Variants in ZSCAN30 observed in about 807,000 individuals in gnomAD.
ZSCAN30 encodes zinc finger and SCAN domain-containing protein 30.
In ZSCAN30, 37 loss-of-function variants were observed where a neutral mutation model predicts 44.3. That is an observed-to-expected ratio of 0.84 (90% confidence interval 0.64 to 1.10). The LOEUF (loss-of-function observed/expected upper bound fraction) is 1.10. ZSCAN30 is among the 50% of genes least tolerant of loss of function. ZSCAN30 has a pLI of 0.00. For synonymous variants in ZSCAN30, 181 were observed against 204.6 expected, an observed-to-expected ratio of 0.88 and a Z score of 0.98; for missense variants, 549 against 582.6, an observed-to-expected ratio of 0.94 and a Z score of 0.59.
At chr18:35,277,896 T>A (rs1183343638) in intron 1 of ZSCAN30, among the ~76,000 whole-genome samples, 1 of 152,178 alleles carries the variant, frequency 6.6e-6, no homozygotes, top group Non-Finnish European at 1.5e-5. Context: ...TTAAGTTTGC[T>A]CTCATTTTTA....
intron 3 of ZSCAN30, among the ~76,000 whole-genome samples, chr18:35,256,485 AG>A: frequency 6.6e-6 from 1 of 152,156 alleles, no homozygotes; most frequent in Non-Finnish European, 1.5e-5. Flanking sequence ...CACTTGAACC[AG>A]GGACGTGGAG....
At chr18:35,263,242 TA>T (rs71265098) in intron 3 of ZSCAN30, 44,009 of 272,002 alleles carry the variant, frequency 0.16, no homozygotes, top group South Asian at 0.24. Context: ...AGACCCCATC[TA>T]AAAAAAAAAA....
intron 1 of ZSCAN30, among the ~76,000 whole-genome samples, chr18:35,265,379 T>C (rs1412872524): frequency 6.6e-6 from 1 of 152,218 alleles, no homozygotes; most frequent in African/African-American, 2.4e-5. Context: ...TCAGGTATTA[T>C]CATCTCAATT....
rs371349555 is a variant in ZSCAN30, at chr18:35,285,517, GAT to G, written c.-104+4565_-104+4566del. 3.6e-3 allele frequency among the ~76,000 whole-genome samples: 550 copies of G among 152,210 alleles called. 4 individuals carry two copies. The highest frequency in any genetic ancestry group is 0.013 in the African/African-American group (523 of 41,538). ...TTTGGGCCATTAATGAGTCTCAATA[GAT>G]TTTAAAGGATTCAAGTCATACACAG... On this transcript the variant is annotated intron_variant, in intron 1 of 3. Coordinates refer to ENST00000333206, the MANE Select transcript of ZSCAN30 (RefSeq NM_001112734.4).
At position 35,253,967 on chromosome 18, in the gene ZSCAN30, T is replaced by G. The variant is rs2043692772; in HGVS notation, c.968A>C (p.His323Pro). Residue 323 changes from histidine to proline, a missense_variant, in exon 4 of 4, where the codon CAT becomes CCT. Physicochemically the swap from His to Pro is moderately conservative, Grantham distance 77. Coordinates refer to ENST00000333206, the MANE Select transcript of ZSCAN30 (RefSeq NM_001112734.4). ...ACATGCATAAGGTCTCTCTCCAGTA[T>G]GAATTCTCTGATGTCTAATCAGCTT... is the stretch of plus-strand genomic sequence containing the variant. ...SSKLIRHQRIHTGERPYACKE... is the reference protein window; with the variant it reads ...SSKLIRHQRIPTGERPYACKE... 6.2e-7 allele frequency: 1 copy of G among 1,614,222 alleles called. No homozygotes were observed. Among genetic ancestry groups the G allele is most frequent in the African/African-American group, 1.3e-5 (1 of 75,058 alleles).
At position 35,264,068 on chromosome 18, in the gene ZSCAN30, C is replaced by T; in HGVS notation, c.285G>A (p.Gln95=). 4.3e-6 allele frequency: 7 copies of T among 1,614,116 alleles called. No individual in the cohort carries two copies. Among genetic ancestry groups the T allele is most frequent in the Non-Finnish European group, 5.9e-6 (7 of 1,179,948 alleles). ...EQILELLMLE[Q]FLAILPEELQ... ...GCTCCTCAGGAAGGATGGCCAGGAA[C>T]TGCTCCAACATCAGCAGCTCCAGGA... is the stretch of plus-strand genomic sequence containing the variant. The change falls in exon 2 of 4, where the codon CAG becomes CAA. Residue 95 remains glutamine, a synonymous_variant. Transcript: ENST00000333206.
chr18:35,283,010 G>C (rs2044486974), intron 1 of ZSCAN30: 1 of 152,082 alleles, frequency 6.6e-6, no homozygotes, highest in Admixed American at 6.5e-5. Context: ...TCAATTACTT[G>C]TTTTGTGTCT....
At chr18:35,288,496 G>A (rs762151972) in intron 1 of ZSCAN30, among the ~76,000 whole-genome samples, 22 of 152,156 alleles carry the variant, frequency 1.4e-4, no homozygotes, top group Non-Finnish European at 2.6e-4. Flanking sequence ...ATATAAAGAC[G>A]TGTGTACATG....
chr18:35,270,231 C>A (rs915796509), intron 1 of ZSCAN30: 1 of 145,716 alleles, frequency 6.9e-6, no homozygotes, highest in African/African-American at 2.5e-5. Context: ...GAAATGAATG[C>A]GAAAGTATAT....
In ZSCAN30 at chr18:35,252,250, T is replaced by C. The variant is rs185977493; in HGVS notation, c.*1200A>G. ...ATTAGTGTGGTGAGAGACTGGTGCA[T>C]TTTATGGGAAAAGGCATGTATATAC... On this transcript the variant is annotated 3_prime_UTR_variant, in exon 4 of 4. Coordinates refer to ENST00000333206, the MANE Select transcript of ZSCAN30 (RefSeq NM_001112734.4). 11 of 152,310 alleles carry C rather than the reference T, an allele frequency of 7.2e-5. No individual in the cohort carries two copies. Among genetic ancestry groups the C allele is most frequent in the Non-Finnish European group, 1.3e-4 (9 of 68,046 alleles). 9.4% of individuals were successfully genotyped at this position (152,310 alleles called of 1,614,324 possible). A position where few individuals can be genotyped will look rare whatever the true frequency, so the allele number is the denominator to read the frequency against.
At chr18:35,273,669 G>A (rs370360992) in intron 1 of ZSCAN30, among the ~76,000 whole-genome samples, 1 of 152,182 alleles carries the variant, frequency 6.6e-6, no homozygotes, top group African/African-American at 2.4e-5. Flanking sequence ...AGTTGACCAC[G>A]TGTGAGGGTT....
At chr18:35,287,875 C>CTT (rs61171547) in intron 1 of ZSCAN30, among the ~76,000 whole-genome samples, 3,699 of 141,058 alleles carry the variant, frequency 0.026, 82 homozygotes, top group East Asian at 0.066. Context: ...TCTTCCTCTT[C>CTT]TTTTTTTTTT....
rs762809698 is a variant in ZSCAN30 at position 35,263,443 on chromosome 18, A to G, written c.553+70T>C. On this transcript the variant is annotated intron_variant, in intron 3 of 3. Coordinates refer to ENST00000333206, the MANE Select transcript of ZSCAN30 (RefSeq NM_001112734.4). ...ATAGCCACAAGTGGCTGTCGTTAAGAAAATGAACCGTGCCACAGTTGATAG... is the reference window on the plus strand; with the variant it reads ...ATAGCCACAAGTGGCTGTCGTTAAGGAAATGAACCGTGCCACAGTTGATAG... The G allele has an allele frequency of 6.3e-6, 10 of 1,588,264 alleles. No homozygotes were observed. In the African/African-American group the frequency reaches 1.3e-4, roughly 21 times the overall value.
intron 1 of ZSCAN30, chr18:35,267,869 C>G (rs1476835970): frequency 6.6e-6 from 1 of 151,906 alleles, no homozygotes; most frequent in Admixed American, 6.6e-5. Context: ...AGGAGCTGAC[C>G]ACGCTCACCG....
intron 1 of ZSCAN30, among the ~76,000 whole-genome samples, chr18:35,271,922 C>T (rs1419022781): frequency 6.6e-6 from 1 of 152,094 alleles, no homozygotes. Flanking sequence ...GGGCCGGCGG[C>T]GCTGGCCGGC....
chr18:35,275,921 G>GT (rs2044359448), intron 1 of ZSCAN30, among the ~76,000 whole-genome samples: 1 of 152,110 alleles, frequency 6.6e-6, no homozygotes, highest in African/African-American at 2.4e-5. Flanking sequence ...TTTGTCAAAT[G>GT]CTTTTTCTGC....
chr18:35,289,630 C>G (rs2044618151), intron 1 of ZSCAN30: 1 of 152,244 alleles, frequency 6.6e-6, no homozygotes, highest in South Asian at 2.1e-4. Context: ...CCCTCCATTT[C>G]GGGTCCTTCT....
chr18:35,268,986 A>T, intron 1 of ZSCAN30: 1 of 152,224 alleles, frequency 6.6e-6, no homozygotes. Context: ...GAAGGAAGTG[A>T]TTTGTTCCTG....
Position 35,253,863 on chromosome 18 carries a change from C to G in ZSCAN30, c.1072G>C (p.Glu358Gln), listed in dbSNP as rs114527565. 9.2e-5 allele frequency: 149 copies of G among 1,614,192 alleles called. No homozygotes were observed. In the African/African-American group the frequency reaches 1.9e-3, roughly 20 times the overall value. Residue 358 changes from glutamate to glutamine, a missense_variant, in exon 4 of 4, where the codon GAA becomes CAA. Physicochemically the swap from Glu to Gln is conservative, Grantham distance 29 (BLOSUM62 2). Transcript: ENST00000333206. ...QRIHSGEKPY[E>Q]CCECGKAFRG... is the part of the protein sequence containing the mutation. ...AAGGCTTTTCCACATTCACAACATT[C>G]ATAGGGTTTTTCACCACTATGAATT...
Sources: allele counts gnomAD v4.1 joint callset (sites outside exome capture counted in the v4.1 genomes callset), GRCh38; gene constraint gnomAD v4.1.1; transcripts MANE v1.5; gene names NCBI Gene and HGNC (gene_info 2026-07-23, HGNC 2026-07-21).